Variants in NDUFAF2 observed in about 807,000 individuals in gnomAD.
NDUFAF2 encodes the protein NADH:ubiquinone oxidoreductase complex assembly factor 2, also known as NADH dehydrogenase [ubiquinone] 1 alpha subcomplex assembly factor 2.
In NDUFAF2, 13 loss-of-function variants were observed where a neutral mutation model predicts 22.8. The ratio of observed to expected loss-of-function variants is 0.57; its 90% CI spans 0.37 to 0.91. NDUFAF2 has a LOEUF of 0.91. NDUFAF2 is among the 40% of genes least tolerant of loss of function. NDUFAF2 has a pLI of 0.01. For synonymous variants in NDUFAF2, 53 were observed against 64.2 expected (o/e 0.83, Z 0.84); for missense variants, 162 against 195.2 (o/e 0.83, Z 1.01).
chr5:61,108,391 T>C (rs989006452), intron 3 of NDUFAF2, among the ~76,000 whole-genome samples: 1 of 151,068 alleles, frequency 6.6e-6, no homozygotes, highest in Non-Finnish European at 1.5e-5. Flanking sequence ...ATGATTGCCA[T>C]TGTAACTGGT....
intron 1 of NDUFAF2, among the ~76,000 whole-genome samples, chr5:61,006,825 T>G (rs1267331220): frequency 6.6e-6 from 1 of 152,122 alleles, no homozygotes; most frequent in Non-Finnish European, 1.5e-5. Flanking sequence ...AACTTGAGCT[T>G]TTATTTACTT....
At chr5:60,969,370 A>G (rs1375319788) in intron 1 of NDUFAF2, among the ~76,000 whole-genome samples, 1 of 152,082 alleles carries the variant, frequency 6.6e-6, no homozygotes, top group Non-Finnish European at 1.5e-5. Flanking sequence ...CGTTGCCAAC[A>G]TTTGTTACTG....
chr5:61,065,242 GA>G (rs1380044361), intron 1 of NDUFAF2, among the ~76,000 whole-genome samples: 2 of 152,016 alleles, frequency 1.3e-5, no homozygotes, highest in African/African-American at 4.8e-5. Context: ...CCAAACACCA[GA>G]TGGCTTTGTA....
intron 2 of NDUFAF2, among the ~76,000 whole-genome samples, chr5:61,082,180 A>G (rs1030153291): frequency 3.3e-5 from 5 of 152,238 alleles, no homozygotes; most frequent in Admixed American, 2.6e-4. Flanking sequence ...GCTTTAGGCT[A>G]CAAGGACCTG....
chr5:61,123,784 A>G (rs1176415564), intron 3 of NDUFAF2, among the ~76,000 whole-genome samples: 1 of 152,154 alleles, frequency 6.6e-6, no homozygotes, highest in African/African-American at 2.4e-5. Flanking sequence ...CTAATTAGTC[A>G]TTTGGCTTAG....
intron 3 of NDUFAF2, among the ~76,000 whole-genome samples, chr5:61,123,145 C>T (rs553179835): frequency 6.6e-6 from 1 of 152,226 alleles, no homozygotes; most frequent in Admixed American, 6.6e-5. Context: ...TCCCTCCTTC[C>T]CTGTTTCATA....
chr5:61,147,327 C>T (rs553024747), intron 3 of NDUFAF2, among the ~76,000 whole-genome samples: 1 of 151,634 alleles, frequency 6.6e-6, no homozygotes, highest in Non-Finnish European at 1.5e-5. Context: ...TGGCTCACTG[C>T]AGCTTTGACC....
intron 3 of NDUFAF2, among the ~76,000 whole-genome samples, chr5:61,110,369 C>T (rs1483309963): frequency 2.6e-5 from 4 of 151,708 alleles, no homozygotes; most frequent in African/African-American, 4.8e-5. Flanking sequence ...AGTATTCCCT[C>T]CTCCATTTTT....
At chr5:61,020,928 T>A (rs1047631191) in intron 1 of NDUFAF2, among the ~76,000 whole-genome samples, 10 of 151,638 alleles carry the variant, frequency 6.6e-5, no homozygotes, top group Non-Finnish European at 1.3e-4. Context: ...ACTCCTGACC[T>A]CGTGATCCGC....
chr5:61,075,583 C>T (rs563880610), intron 2 of NDUFAF2, among the ~76,000 whole-genome samples: 8 of 151,864 alleles, frequency 5.3e-5, no homozygotes, highest in African/African-American at 9.7e-5. Context: ...TAAATGAGTA[C>T]GTAATGACTC....
chr5:61,059,322 T>A (rs1752135910), intron 1 of NDUFAF2, among the ~76,000 whole-genome samples: 1 of 152,138 alleles, frequency 6.6e-6, no homozygotes, highest in Non-Finnish European at 1.5e-5. Context: ...GAGTTTATTG[T>A]CCTTGTGCAA....
At chr5:61,123,686 T>C (rs902322937) in intron 3 of NDUFAF2, among the ~76,000 whole-genome samples, 2 of 152,304 alleles carry the variant, frequency 1.3e-5, no homozygotes, top group East Asian at 3.9e-4. Flanking sequence ...TTATCGCTTA[T>C]TGATAAATGC....
chr5:61,010,588 C>T (rs945228535), intron 1 of NDUFAF2, among the ~76,000 whole-genome samples: 1 of 152,020 alleles, frequency 6.6e-6, no homozygotes, highest in Non-Finnish European at 1.5e-5. Context: ...GCTATATGTT[C>T]TCATAGTTCT....
intron 3 of NDUFAF2, among the ~76,000 whole-genome samples, chr5:61,107,265 G>C (rs985384125): frequency 6.6e-6 from 1 of 151,146 alleles, no homozygotes; most frequent in African/African-American, 2.5e-5. Flanking sequence ...CCATCTTTTT[G>C]ATAGAAGCCA....
chr5:61,070,144 C>T (rs1752277066), intron 1 of NDUFAF2, among the ~76,000 whole-genome samples: 1 of 151,988 alleles, frequency 6.6e-6, no homozygotes, highest in South Asian at 2.1e-4. Context: ...TTTTTGTCAC[C>T]AAGTTAATTT....
intron 2 of NDUFAF2, among the ~76,000 whole-genome samples, chr5:61,075,780 G>A (rs1050999936): frequency 6.6e-6 from 1 of 152,096 alleles, no homozygotes; most frequent in East Asian, 1.9e-4. Flanking sequence ...AAATAACTCA[G>A]CACCATGAAA....
chr5:61,055,363 T>G (rs1752074766), intron 1 of NDUFAF2, among the ~76,000 whole-genome samples: 1 of 152,222 alleles, frequency 6.6e-6, no homozygotes, highest in Non-Finnish European at 1.5e-5. Flanking sequence ...CATTGCTTCA[T>G]ATTAGCAAAC....
chr5:61,035,157 CCCGGG>C (rs1418147265), intron 1 of NDUFAF2, among the ~76,000 whole-genome samples: 1 of 151,650 alleles, frequency 6.6e-6, no homozygotes, highest in Non-Finnish European at 1.5e-5. Flanking sequence ...ACCTCTGAAC[CCCGGG>C]CTCAAGCGAT....
intron 1 of NDUFAF2, among the ~76,000 whole-genome samples, chr5:60,975,064 C>T (rs1020565712): frequency 6.6e-6 from 1 of 151,798 alleles, no homozygotes; most frequent in African/African-American, 2.4e-5. Context: ...CTGCCTTGGC[C>T]TCCCAAAGTG....
Sources: allele counts gnomAD v4.1 joint callset (sites outside exome capture counted in the v4.1 genomes callset), GRCh38; gene constraint gnomAD v4.1.1; transcripts MANE v1.5; gene names NCBI Gene and HGNC (gene_info 2026-07-23, HGNC 2026-07-21).